Variants in CD1B observed in about 807,000 individuals in gnomAD.
CD1B encodes the protein CD1b molecule.
In CD1B, 43 loss-of-function variants were observed where a neutral mutation model predicts 39.8. The ratio of observed to expected loss-of-function variants is 1.08; its 90% CI spans 0.85 to 1.39. The LOEUF is 1.39. Among genes scored for constraint, CD1B ranks in the 40% most tolerant of loss-of-function variants. The pLI is 0.00. For synonymous variants in CD1B, 192 were observed against 152.5 expected (o/e 1.26, Z -1.91); for missense variants, 495 against 403.8 (o/e 1.23, Z -1.94).
At chr1:158,297,231 C>A in the CD1B span, among the ~76,000 whole-genome samples, 2 of 152,130 alleles carry the variant, frequency 1.3e-5, no homozygotes, top group African/African-American at 2.4e-5. Context: ...CAAAGGGACC[C>A]CAATCAAGCT....
At chr1:158,319,638 C>T in the CD1B span, among the ~76,000 whole-genome samples, 1 of 152,308 alleles carries the variant, frequency 6.6e-6, no homozygotes, top group African/African-American at 2.4e-5. Flanking sequence ...GTAATTTGAT[C>T]GTCTGAAGCC....
chr1:158,292,470 G>T, the CD1B span: 1 of 1,482,754 alleles, frequency 6.7e-7, no homozygotes, highest in African/African-American at 1.4e-5. Flanking sequence ...GAAGCAGGGG[G>T]GTTGCTGGGT....
the CD1B span, among the ~76,000 whole-genome samples, chr1:158,297,294 A>G: frequency 1.3e-5 from 2 of 152,232 alleles, no homozygotes; most frequent in African/African-American, 4.8e-5. Flanking sequence ...TTGAGGGCCT[A>G]TATTCAGCAT....
At chr1:158,304,171 C>G in the CD1B span, among the ~76,000 whole-genome samples, 1 of 152,132 alleles carries the variant, frequency 6.6e-6, no homozygotes, top group Non-Finnish European at 1.5e-5. Flanking sequence ...CACAAGGGGT[C>G]AGGGAATTCC....
Position 158,330,049 on chromosome 1 carries a change from C to T in CD1B, c.410G>A (p.Gly137Glu), listed in dbSNP as rs746933983. ...AIVSFLRGAL[G>E]GLDFLSVKNA... ...CTTGACACTCAGGAAATCCAATCCT[C>T]CTAGAGCTCCCCTCAGGAAGCTTAC... Residue 137 changes from glycine (G) to glutamate (E), a missense_variant, in exon 3 of 6, where the codon GGA becomes GAA. Coordinates refer to ENST00000368168, the MANE Select transcript of CD1B (RefSeq NM_001764.3). 3 of 1,614,022 alleles carry T rather than the reference C, an allele frequency of 1.9e-6. No individual in the cohort carries two copies. The highest frequency in any genetic ancestry group is 1.1e-5 in the South Asian group (1 of 91,078).
downstream of CD1B, among the ~76,000 whole-genome samples, chr1:158,326,438 A>T (rs928935696): frequency 6.6e-6 from 1 of 152,232 alleles, no homozygotes; most frequent in Admixed American, 6.5e-5. Flanking sequence ...AATCCTACAG[A>T]TTAAAAACGG....
the CD1B span, among the ~76,000 whole-genome samples, chr1:158,305,172 G>T: frequency 8.5e-5 from 13 of 152,112 alleles, 1 homozygote; most frequent in Admixed American, 7.9e-4. Flanking sequence ...TCATCGCAAA[G>T]AAGTTAAAAA....
the CD1B span, among the ~76,000 whole-genome samples, chr1:158,295,676 C>G: frequency 6.6e-6 from 1 of 152,074 alleles, no homozygotes; most frequent in Non-Finnish European, 1.5e-5. Context: ...CTAGACTGAT[C>G]TGAGCCCCCC....
At chr1:158,322,869 G>A in the CD1B span, among the ~76,000 whole-genome samples, 1 of 152,118 alleles carries the variant, frequency 6.6e-6, no homozygotes, top group Non-Finnish European at 1.5e-5. Flanking sequence ...CTGCTGCCAG[G>A]CATATCAACA....
chr1:158,298,700 G>C, the CD1B span, among the ~76,000 whole-genome samples: 1 of 152,106 alleles, frequency 6.6e-6, no homozygotes, highest in Non-Finnish European at 1.5e-5. Context: ...TTGAGCAGTG[G>C]TTTGTAGTTC....
At chr1:158,302,598 G>T in the CD1B span, among the ~76,000 whole-genome samples, 4 of 152,042 alleles carry the variant, frequency 2.6e-5, no homozygotes, top group Non-Finnish European at 5.9e-5. Context: ...AAATGACAAA[G>T]GGGGCATTGC....
At chr1:158,298,929 G>T in the CD1B span, among the ~76,000 whole-genome samples, 9 of 152,156 alleles carry the variant, frequency 5.9e-5, no homozygotes, top group Non-Finnish European at 1.0e-4. Context: ...AGGTGATGGG[G>T]TTTTCTAAAT....
At chr1:158,318,655 C>A in the CD1B span, among the ~76,000 whole-genome samples, 11 of 152,088 alleles carry the variant, frequency 7.2e-5, no homozygotes, top group Admixed American at 5.9e-4. Flanking sequence ...AGCATTTAGT[C>A]CATTTACATT....
the CD1B span, among the ~76,000 whole-genome samples, chr1:158,286,350 T>C: frequency 6.6e-6 from 1 of 152,220 alleles, no homozygotes; most frequent in Non-Finnish European, 1.5e-5. Flanking sequence ...TATTTATAAG[T>C]ATTCACCAGT....
Position 158,329,456 on chromosome 1 carries a change from A to G in CD1B, c.800T>C (p.Leu267Pro), listed in dbSNP as rs1304715882. The G allele has an allele frequency of 6.2e-7, 1 of 1,614,146 alleles. No homozygotes were observed. Among genetic ancestry groups the G allele is most frequent in the Admixed American group, 1.7e-5 (1 of 60,014 alleles). ...ANWTWYLRAT[L>P]DVADGEAAGL... ...AGCCGCCTCCCCATCTGCCACATCCAGGGTTGCTCGGAGATACCATGTCCA... is the reference window on the plus strand; with the variant it reads ...AGCCGCCTCCCCATCTGCCACATCCGGGGTTGCTCGGAGATACCATGTCCA... Residue 267 changes from leucine (L) to proline (P), a missense_variant, in exon 4 of 6, where the codon CTG (leucine) becomes CCG (proline). By Grantham distance (98) the Leu-to-Pro change is moderately conservative (BLOSUM62 -3). Transcript: ENST00000368168.
the CD1B span, chr1:158,291,510 T>G: frequency 4.6e-6 from 5 of 1,092,882 alleles, no homozygotes; most frequent in Non-Finnish European, 6.7e-6. Flanking sequence ...ACCATAAAAT[T>G]CTGCATAGAT....
the CD1B span, among the ~76,000 whole-genome samples, chr1:158,307,648 C>A: frequency 6.6e-6 from 1 of 152,152 alleles, no homozygotes; most frequent in African/African-American, 2.4e-5. Flanking sequence ...CAATTTTAGA[C>A]CAATATCCCT....
chr1:158,300,910 C>G, the CD1B span, among the ~76,000 whole-genome samples: 1 of 151,420 alleles, frequency 6.6e-6, no homozygotes, highest in East Asian at 2.0e-4. Flanking sequence ...AGGTGCCCAC[C>G]ACCATGCCCA....
the CD1B span, among the ~76,000 whole-genome samples, chr1:158,322,408 T>A: frequency 4.1e-5 from 6 of 146,874 alleles, no homozygotes; most frequent in African/African-American, 1.6e-4. Context: ...GGCTATTTAT[T>A]TTTTTTCTGT....
Sources: gnomAD v4.1 joint callset for allele counts (sites outside exome capture counted in the v4.1 genomes callset) on GRCh38, gnomAD v4.1.1 for gene constraint, MANE v1.5 for transcripts, NCBI Gene and HGNC (gene_info 2026-07-23, HGNC 2026-07-21) for gene names.